GSAP: variants seen among roughly 807,000 people sequenced by gnomAD.
The protein encoded by GSAP is gamma-secretase-activating protein.
GSAP carries 118 observed loss-of-function variants against 131.7 expected under a neutral mutation model. That is an observed-to-expected ratio of 0.90 (90% CI 0.77 to 1.04). GSAP has a LOEUF of 1.04. Among genes scored for constraint, GSAP ranks in the 50% least tolerant of loss-of-function variants. The pLI is 0.00. For missense variants in GSAP, 1,019 were observed against 1,013.2 expected, an observed-to-expected ratio of 1.01 and a Z score of -0.08; for synonymous variants, 381 against 363.4, an observed-to-expected ratio of 1.05 and a Z score of -0.55.
At chr7:77,321,018 A>G (rs1035468673) in intron 25 of GSAP, among the ~76,000 whole-genome samples, 199 bp from the exon 26 acceptor site, 7 of 152,342 alleles carry the variant, frequency 4.6e-5, no homozygotes, top group African/African-American at 1.7e-4. Context: ...CATATGTTAC[A>G]CATTGTATTA....
chr7:77,369,161 C>A (rs1343542549), intron 12 of GSAP, among the ~76,000 whole-genome samples: 1 of 152,182 alleles, frequency 6.6e-6, no homozygotes, highest in Non-Finnish European at 1.5e-5. Flanking sequence ...CACTTCCCTA[C>A]TCACTACCCT....
At chr7:77,326,408 C>T (rs1187656746) in intron 22 of GSAP, 135 bp from the exon 23 acceptor site, 2 of 609,076 alleles carry the variant, frequency 3.3e-6, no homozygotes, top group Non-Finnish European at 5.8e-6. Context: ...TTTTCATCAC[C>T]TAAGTGTGAC....
At chr7:77,389,325 TTTG>T (rs150380472) in intron 5 of GSAP, among the ~76,000 whole-genome samples, 9,237 of 151,078 alleles carry the variant, frequency 0.061, 891 homozygotes, top group African/African-American at 0.21. Flanking sequence ...TTTGTTTTGT[TTTG>T]TTTTTTGTTT....
At chr7:77,409,238 C>A (rs947132251) in intron 1 of GSAP, among the ~76,000 whole-genome samples, 1 of 152,062 alleles carries the variant, frequency 6.6e-6, no homozygotes, top group East Asian at 1.9e-4. Context: ...TCTCAGCACT[C>A]TGGGAGGCCA....
At position 77,355,232 on chromosome 7, in the gene GSAP, G is replaced by A. The variant is rs375125347; in HGVS notation, c.1319C>T (p.Ala440Val). Residue 440 changes from alanine (A) to valine (V), a missense_variant, in exon 16 of 31, where the codon GCG becomes GTG. Physicochemically the swap from Ala to Val is moderately conservative, Grantham distance 64. Transcript: ENST00000257626. ...TCTCACCTGGGCTTCCAGGAACTGCGCACCTTGACCGCAGTAGAGCGCGCA... is the reference window on the plus strand; with the variant it reads ...TCTCACCTGGGCTTCCAGGAACTGCACACCTTGACCGCAGTAGAGCGCGCA... ...LHCALYCGQG[A>V]QFLEAQIIQW... is the part of the protein sequence containing the mutation. The A allele has an allele frequency of 1.5e-5, 24 of 1,612,310 alleles. No individual in the cohort carries two copies. In the Admixed American group the frequency reaches 2.8e-4, roughly 19 times the overall value.
chr7:77,339,691 A>G (rs1288315728), intron 19 of GSAP, among the ~76,000 whole-genome samples: 1 of 149,562 alleles, frequency 6.7e-6, no homozygotes, highest in Non-Finnish European at 1.5e-5. Flanking sequence ...AAACACATGG[A>G]GGACATAAAA....
At chr7:77,385,290 T>A (rs769586051) in intron 6 of GSAP, among the ~76,000 whole-genome samples, 26 of 152,156 alleles carry the variant, frequency 1.7e-4, no homozygotes, top group African/African-American at 5.8e-4. Flanking sequence ...CTCCTTGGCC[T>A]CCTAAAGTGC....
At chr7:77,412,543 G>C (rs73362781) in intron 1 of GSAP, among the ~76,000 whole-genome samples, 4,511 of 151,818 alleles carry the variant, frequency 0.03, 227 homozygotes, top group African/African-American at 0.1. Context: ...TTTATCAAAG[G>C]CACCATCACA....
At chr7:77,347,196 T>C (rs1792045457) in intron 19 of GSAP, among the ~76,000 whole-genome samples, 1 of 152,094 alleles carries the variant, frequency 6.6e-6, no homozygotes, top group Admixed American at 6.5e-5. Context: ...CAATATCCTT[T>C]ATAATAGGCC....
At chr7:77,326,446 G>C (rs111356720) in intron 22 of GSAP, 173 bp from the exon 23 acceptor site, 66 of 522,964 alleles carry the variant, frequency 1.3e-4, no homozygotes, top group African/African-American at 1.2e-3. Context: ...ACTTATCAGA[G>C]CTGTGTGAAA....
In GSAP at chr7:77,376,897, C is replaced by A. The variant is rs370761441; in HGVS notation, c.692G>T (p.Ser231Ile). 60 of 1,448,724 alleles carry A rather than the reference C, an allele frequency of 4.1e-5. No individual in the cohort carries two copies. In the African/African-American group the frequency reaches 5.1e-4, roughly 12 times the overall value. 89.7% of individuals were successfully genotyped at this position (1,448,724 alleles called of 1,614,324 possible). A position where few individuals can be genotyped will look rare whatever the true frequency, so the allele number is the denominator to read the frequency against. Residue 231 changes from serine to isoleucine, a missense_variant, in exon 10 of 31, where the codon AGT (serine) becomes ATT (isoleucine). Coordinates refer to ENST00000257626, the MANE Select transcript of GSAP (RefSeq NM_017439.4). Reference protein sequence around the residue: ...LYYIDLKKSRSILKCIQFYAD... With the variant: ...LYYIDLKKSRIILKCIQFYAD... ...ATAAAACTGGATACATTTTAAGATA[C>A]TCCTTGATTTCTAAAAGAGAAAACA...
chr7:77,372,952 A>G (rs2150985395), intron 12 of GSAP, among the ~76,000 whole-genome samples: 1 of 152,282 alleles, frequency 6.6e-6, no homozygotes, highest in East Asian at 1.9e-4. Flanking sequence ...GGACTGGTGT[A>G]TGAAGGGATG....
At position 77,320,767 on chromosome 7, in the gene GSAP, T is replaced by C. The variant is rs1468267420; in HGVS notation, c.2047A>G (p.Ile683Val). 4.3e-6 allele frequency: 7 copies of C among 1,612,306 alleles called. No homozygotes were observed. Among genetic ancestry groups the C allele is most frequent in the Middle Eastern group, 1.6e-4 (1 of 6,080 alleles). Reference protein sequence around the residue: ...EFAVFHIMTRILEATNSLFLP... With the variant: ...EFAVFHIMTRVLEATNSLFLP... Reference sequence around the variant, plus strand: ...AACAAACTGTTTGTAGCTTCCAGAATCCTGGTCATGATGTGAAAAACTGCA... The same window carrying C: ...AACAAACTGTTTGTAGCTTCCAGAACCCTGGTCATGATGTGAAAAACTGCA... The change falls in exon 26 of 31, where the codon ATT becomes GTT. Residue 683 changes from isoleucine (I) to valine (V), a missense_variant. Transcript: ENST00000257626.
At chr7:77,381,448 C>T (rs996136446) in intron 7 of GSAP, 94 bp from the exon 8 acceptor site, 1 of 581,436 alleles carries the variant, frequency 1.7e-6, no homozygotes, top group African/African-American at 1.9e-5. Context: ...GTTATAAAAG[C>T]AATGCAGATT....
chr7:77,400,936 AT>A (rs35614699), intron 3 of GSAP, among the ~76,000 whole-genome samples: 5,228 of 141,930 alleles, frequency 0.037, 261 homozygotes, highest in African/African-American at 0.11. Context: ...ACAATTACCA[AT>A]TTTTTTTTTT....
intron 9 of GSAP, 28 bp downstream of exon 9, chr7:77,377,258 A>AAAAAAAAAAAAAAAT: frequency 2.8e-5 from 39 of 1,400,618 alleles, no homozygotes; most frequent in Non-Finnish European, 3.2e-5. Context: ...AAAAAAAAAA[A>AAAAAAAAAAAAAAAT]GGAGTGCCCG....
At chr7:77,382,258 G>A (rs1797911312) in intron 7 of GSAP, among the ~76,000 whole-genome samples, 1 of 151,934 alleles carries the variant, frequency 6.6e-6, no homozygotes, top group Non-Finnish European at 1.5e-5. Context: ...ACATCCAAAA[G>A]ACAGATGAAC....
rs186304603 is a variant in GSAP at position 77,347,798 on chromosome 7, G to A, written c.1545+1553C>T. Among the ~76,000 whole-genome samples the A allele has an allele frequency of 3.8e-3, 578 of 152,142 alleles. 3 individuals are homozygous for A. Among genetic ancestry groups the A allele is most frequent in the Middle Eastern group, 0.017 (5 of 294 alleles). On this transcript the variant is annotated intron_variant, in intron 19 of 30. Coordinates refer to ENST00000257626, the MANE Select transcript of GSAP (RefSeq NM_017439.4). ...GGAGAAGAGACAGTTGGTACATTAG[G>A]AACTGTAGAATTATGGATGATATTT...
chr7:77,379,917 T>C, intron 8 of GSAP: 1 of 968,224 alleles, frequency 1.0e-6, no homozygotes, highest in Non-Finnish European at 1.2e-6. Flanking sequence ...AATTGATAAA[T>C]TCCATTTTCT....
Sources: allele counts gnomAD v4.1 joint callset (sites outside exome capture counted in the v4.1 genomes callset), GRCh38; gene constraint gnomAD v4.1.1; transcripts MANE v1.5; gene names NCBI Gene and HGNC (gene_info 2026-07-23, HGNC 2026-07-21).